Variants in METAP1D observed in about 807,000 individuals in gnomAD.
METAP1D encodes methionyl aminopeptidase type 1D, mitochondrial, also known as methionine aminopeptidase 1D, mitochondrial.
A neutral mutation model predicts 40.5 loss-of-function variants in METAP1D; 31 were observed. That is an observed-to-expected ratio of 0.77 (90% confidence interval 0.58 to 1.03). The LOEUF (loss-of-function observed/expected upper bound fraction) is 1.03. METAP1D is among the 50% of genes least tolerant of loss of function. The pLI, the probability that METAP1D is intolerant of heterozygous loss-of-function variation, is 0.00. For missense variants in METAP1D, 411 were observed against 420.7 expected (o/e 0.98, Z 0.20); for synonymous variants, 151 against 146.4 (o/e 1.03, Z -0.22).
chr2:172,029,601 G>A (rs1689195265), intron 1 of METAP1D, among the ~76,000 whole-genome samples: 7 of 152,134 alleles, frequency 4.6e-5, no homozygotes, highest in Admixed American at 4.6e-4. Flanking sequence ...TCTGGTCTTA[G>A]AGTTACCATA....
chr2:172,031,829 A>G (rs1327662570), intron 1 of METAP1D, among the ~76,000 whole-genome samples: 2 of 152,190 alleles, frequency 1.3e-5, no homozygotes, highest in Non-Finnish European at 2.9e-5. Context: ...ATAAAGCCCT[A>G]CGTCGTTGAC....
intron 6 of METAP1D, among the ~76,000 whole-genome samples, chr2:172,076,099 A>G (rs966972445): frequency 1.3e-5 from 2 of 152,100 alleles, no homozygotes; most frequent in Non-Finnish European, 2.9e-5. Flanking sequence ...CTCTCCTCTC[A>G]TCGGAAATTA....
At chr2:172,047,872 T>A (rs1294411867) in intron 1 of METAP1D, among the ~76,000 whole-genome samples, 1 of 152,210 alleles carries the variant, frequency 6.6e-6, no homozygotes, top group Non-Finnish European at 1.5e-5. Flanking sequence ...TAAGAAGTAT[T>A]CTTATATGTT....
intron 1 of METAP1D, among the ~76,000 whole-genome samples, chr2:172,039,734 C>T (rs1203537604): frequency 6.8e-6 from 1 of 147,968 alleles, no homozygotes; most frequent in Non-Finnish European, 1.5e-5. Flanking sequence ...GGGGCTCCAT[C>T]TCAGCTCACT....
Position 172,077,826 on chromosome 2 carries a change from T to C in METAP1D, c.734T>C (p.Val245Ala), listed in dbSNP as rs1690584606. The C allele has an allele frequency of 1.9e-6, 3 of 1,610,752 alleles. No homozygotes were observed. Among genetic ancestry groups the C allele is most frequent in the Non-Finnish European group, 2.5e-6 (3 of 1,177,568 alleles). Residue 245 changes from valine (V) to alanine (A), a missense_variant, in exon 7 of 10, where the codon GTC becomes GCC. Coordinates refer to ENST00000315796, the MANE Select transcript of METAP1D (RefSeq NM_199227.3). Reference sequence around the variant, plus strand: ...ATAACTCATCAGAATGGTTTTCAAGTCTGTCCACATTTTGTGGGACATGGA... The same window carrying C: ...ATAACTCATCAGAATGGTTTTCAAGCCTGTCCACATTTTGTGGGACATGGA... ...SHITHQNGFQ[V>A]CPHFVGHGIG...
At chr2:172,014,931 C>A (rs35250875) in intron 1 of METAP1D, among the ~76,000 whole-genome samples, 4 of 152,140 alleles carry the variant, frequency 2.6e-5, no homozygotes, top group African/African-American at 7.2e-5. Flanking sequence ...GGATTACAGG[C>A]GTCAGCCACT....
intron 6 of METAP1D, among the ~76,000 whole-genome samples, chr2:172,077,262 C>T (rs773935394): frequency 1.2e-4 from 18 of 152,140 alleles, no homozygotes; most frequent in Admixed American, 6.5e-4. Context: ...TTGAGCTTTT[C>T]GTGTGAGTGT....
intron 1 of METAP1D, among the ~76,000 whole-genome samples, chr2:172,012,912 G>A (rs1389269996): frequency 2.6e-5 from 4 of 151,870 alleles, no homozygotes; most frequent in Admixed American, 1.3e-4. Context: ...GTTTCCAAAA[G>A]TACATAAAAG....
chr2:172,078,915 G>A (rs1574148867), intron 7 of METAP1D, among the ~76,000 whole-genome samples: 1 of 152,174 alleles, frequency 6.6e-6, no homozygotes, highest in East Asian at 1.9e-4. Flanking sequence ...TGGGGGACAG[G>A]GAGAGGGGGC....
At chr2:172,011,177 A>G (rs935053284) in intron 1 of METAP1D, among the ~76,000 whole-genome samples, 35 of 151,948 alleles carry the variant, frequency 2.3e-4, no homozygotes, top group African/African-American at 8.2e-4. Context: ...CATCACCACA[A>G]TCAGTTTTAC....
chr2:172,022,071 A>G (rs1689020194), intron 1 of METAP1D, among the ~76,000 whole-genome samples: 1 of 152,144 alleles, frequency 6.6e-6, no homozygotes, highest in Non-Finnish European at 1.5e-5. Flanking sequence ...CTCCCTGACC[A>G]CTACTGTTAC....
intron 1 of METAP1D, among the ~76,000 whole-genome samples, chr2:172,009,183 GGCGCCCACCACC>G (rs914883032): frequency 5.7e-4 from 86 of 152,082 alleles, no homozygotes; most frequent in African/African-American, 1.7e-3. Context: ...TGGGACTAGG[GGCGCCCACCACC>G]GCGCCAGGCT....
chr2:172,012,061 T>A (rs1378473001), intron 1 of METAP1D, among the ~76,000 whole-genome samples: 1 of 152,228 alleles, frequency 6.6e-6, no homozygotes, highest in Non-Finnish European at 1.5e-5. Context: ...ACAACCTTGT[T>A]TTTCCTTTGA....
intron 1 of METAP1D, among the ~76,000 whole-genome samples, chr2:172,023,174 G>A (rs998023512): frequency 6.6e-6 from 1 of 151,984 alleles, no homozygotes; most frequent in Non-Finnish European, 1.5e-5. Flanking sequence ...GGCAACAAAA[G>A]CAAAACTCCA....
At chr2:172,004,295 T>C (rs1031173889) in intron 1 of METAP1D, among the ~76,000 whole-genome samples, 2 of 151,906 alleles carry the variant, frequency 1.3e-5, no homozygotes, top group South Asian at 4.1e-4. Flanking sequence ...TGCAGGAAAA[T>C]GTCTGCTCAG....
chr2:172,061,035 C>T (rs1180778202), intron 1 of METAP1D, among the ~76,000 whole-genome samples: 2 of 152,170 alleles, frequency 1.3e-5, no homozygotes, highest in Admixed American at 6.5e-5. Flanking sequence ...CCTCACTGCA[C>T]GTGAACTTAA....
At chr2:172,067,617 A>G (rs116326387) in intron 5 of METAP1D, among the ~76,000 whole-genome samples, 2,789 of 152,190 alleles carry the variant, frequency 0.018, 57 homozygotes, top group Admixed American at 0.069. Context: ...TTTTACATCT[A>G]TTTTCTCATC....
In METAP1D at chr2:172,080,741, T is replaced by C. The variant is rs1690686578; in HGVS notation, c.*335T>C. ...TTTCTCTTTCCCTTGCCCTGACTGT[T>C]GGAGTAAAAAACCTCTTAAATCCAT... On this transcript the variant is annotated 3_prime_UTR_variant, in exon 10 of 10. Coordinates refer to ENST00000315796, the MANE Select transcript of METAP1D (RefSeq NM_199227.3). 2 of 450,428 alleles carry C rather than the reference T, an allele frequency of 4.4e-6. No individual in the cohort carries two copies. Among genetic ancestry groups the C allele is most frequent in the South Asian group, 4.9e-5 (2 of 40,522 alleles). 27.9% of individuals were successfully genotyped at this position (450,428 alleles called of 1,614,324 possible).
intron 1 of METAP1D, among the ~76,000 whole-genome samples, chr2:172,001,634 T>C (rs1688465883): frequency 6.6e-6 from 1 of 152,154 alleles, no homozygotes; most frequent in Non-Finnish European, 1.5e-5. Context: ...GACTTCAGTA[T>C]TTCAGTGTTA....
Sources: gnomAD v4.1 joint callset for allele counts (sites outside exome capture counted in the v4.1 genomes callset) on GRCh38, gnomAD v4.1.1 for gene constraint, MANE v1.5 for transcripts, NCBI Gene and HGNC (gene_info 2026-07-23, HGNC 2026-07-21) for gene names.